The following ARL14EPL variants were observed in gnomAD, a reference collection of about 807,000 sequenced individuals.
The protein encoded by ARL14EPL is ARF like GTPase 14 effector protein like, also known as ARL14 effector protein-like.
A neutral mutation model predicts 15.9 loss-of-function variants in ARL14EPL; 17 were observed. The observed-to-expected ratio is 1.07, with a 90% CI of 0.73 to 1.60. The LOEUF (loss-of-function observed/expected upper bound fraction) is 1.60. ARL14EPL is among the 40% of genes most tolerant of loss of function. The probability of loss-of-function intolerance (pLI) is 0.00; values close to 1 mark genes in which losing one functional copy is unlikely to be tolerated. For missense variants in ARL14EPL, 214 were observed against 185.9 expected, an observed-to-expected ratio of 1.15 and a Z score of -0.88; for synonymous variants, 78 against 63.8, an observed-to-expected ratio of 1.22 and a Z score of -1.06.
Position 116,037,838 on chromosome 5 carries a change from T to C in ARL14EPL, c.-10+5333T>C, listed in dbSNP as rs142689997. Reference sequence around the variant, plus strand: ...CTTACCTGCACACAAGAATGTACTTTGTTTGGTTTTAGTTGGTGGTTTTTA... The same window carrying C: ...CTTACCTGCACACAAGAATGTACTTCGTTTGGTTTTAGTTGGTGGTTTTTA... On this transcript the variant is annotated intron_variant, in intron 1 of 3. Transcript: ENST00000686077. Among the ~76,000 whole-genome samples the C allele has an allele frequency of 2.0e-5, 3 of 152,334 alleles. No individual in the cohort carries two copies. In the East Asian group the frequency reaches 5.8e-4, roughly 29 times the overall value.
intron 1 of ARL14EPL, among the ~76,000 whole-genome samples, chr5:116,043,476 A>G (rs577471970): frequency 2.0e-5 from 3 of 152,234 alleles, no homozygotes; most frequent in Admixed American, 2.0e-4. Flanking sequence ...TTGCAAATTT[A>G]ATGAGGTATT....
chr5:116,054,228 G>T lies in ARL14EPL; in HGVS notation c.236+75G>T, dbSNP rs534655678. 7.6e-4 allele frequency: 1,038 copies of T among 1,360,556 alleles called. 22 individuals carry two copies. In the South Asian group the frequency reaches 0.015, roughly 20 times the overall value. The allele number at this position is 1,360,556 out of a possible 1,614,324, so 84.3% of individuals were successfully genotyped here. On this transcript the variant is annotated intron_variant, in intron 3 of 3. Transcript: ENST00000686077. ...AATTCTCCTTGACAAAGCAATGAAA[G>T]ATTCCCTCTTTTTATTATTTATTAT...
chr5:116,050,444 G>A lies in ARL14EPL; in HGVS notation c.-9-1013G>A, dbSNP rs562914440. Among the ~76,000 whole-genome samples, 311 of 152,276 alleles carry A rather than the reference G, an allele frequency of 2.0e-3. 1 individual carries two copies. Among genetic ancestry groups the A allele is most frequent in the Non-Finnish European group, 3.5e-3 (241 of 68,024 alleles). The stretch of plus-strand genomic sequence containing the variant: ...ATGATCTAGTTCTTTTTATGGCTGC[G>A]TGGTATTCCTTGGTGCATACTTACA... On this transcript the variant is annotated intron_variant, in intron 1 of 3. Coordinates refer to ENST00000686077, the MANE Select transcript of ARL14EPL (RefSeq NM_001195581.2).
At chr5:116,041,260 A>G (rs1042828626) in intron 1 of ARL14EPL, among the ~76,000 whole-genome samples, 8 of 152,144 alleles carry the variant, frequency 5.3e-5, no homozygotes, top group Non-Finnish European at 1.0e-4. Context: ...GTATAATGGC[A>G]TATATCCACT....
chr5:116,058,162 CA>C (rs1749563848), intron 3 of ARL14EPL, among the ~76,000 whole-genome samples: 2 of 152,120 alleles, frequency 1.3e-5, no homozygotes, highest in Admixed American at 1.3e-4. Flanking sequence ...AAAGCAGAAT[CA>C]GAAAGGAACA....
At chr5:116,054,990 T>C (rs1168962520) in intron 3 of ARL14EPL, among the ~76,000 whole-genome samples, 1 of 151,902 alleles carries the variant, frequency 6.6e-6, no homozygotes, top group Admixed American at 6.6e-5. Flanking sequence ...ATTAATAACA[T>C]AAAAAATCAG....
At position 116,054,171 on chromosome 5, in the gene ARL14EPL, T is replaced by C; in HGVS notation, c.236+18T>C. The C allele has an allele frequency of 2.0e-6, 3 of 1,530,912 alleles. No homozygotes were observed. The African/African-American group carries it at 4.1e-5, about 21-fold the overall frequency. The allele number at this position is 1,530,912 out of a possible 1,614,324, so 94.8% of individuals were successfully genotyped here. A position where few individuals can be genotyped will look rare whatever the true frequency, so the allele number is the denominator to read the frequency against. ...AAATACAAGTAAGATTCTGACTTAT[T>C]GTATTTGATCTGTGGGATTATGAAA... On this transcript the variant is annotated intron_variant, in intron 3 of 3. Transcript: ENST00000686077.
intron 1 of ARL14EPL, among the ~76,000 whole-genome samples, chr5:116,050,431 T>A (rs1749347883): frequency 6.6e-6 from 1 of 152,234 alleles, no homozygotes; most frequent in African/African-American, 2.4e-5. Flanking sequence ...GATCTAGTTC[T>A]TTTTATGGCT....
intron 1 of ARL14EPL, among the ~76,000 whole-genome samples, chr5:116,040,995 T>G (rs1360721376): frequency 3.5e-5 from 2 of 57,362 alleles, no homozygotes; most frequent in African/African-American, 6.4e-5. Context: ...AAAAAAAAAG[T>G]TTTTATGCTG....
intron 2 of ARL14EPL, among the ~76,000 whole-genome samples, chr5:116,053,374 A>G (rs1373510592): frequency 9.3e-6 from 1 of 108,078 alleles, no homozygotes; most frequent in Non-Finnish European, 1.9e-5. Flanking sequence ...AAAAGAAAGG[A>G]AAAAAAAAAA....
chr5:116,044,867 A>G (rs1419281939), intron 1 of ARL14EPL, among the ~76,000 whole-genome samples: 1 of 152,154 alleles, frequency 6.6e-6, no homozygotes, highest in African/African-American at 2.4e-5. Flanking sequence ...ATGGTTTCTC[A>G]GCAAAACAAA....
chr5:116,044,255 C>G (rs1017751056), intron 1 of ARL14EPL, among the ~76,000 whole-genome samples: 4 of 152,058 alleles, frequency 2.6e-5, no homozygotes, highest in Non-Finnish European at 5.9e-5. Flanking sequence ...CCCTATAATT[C>G]ACGAGTGAAC....
intron 1 of ARL14EPL, among the ~76,000 whole-genome samples, chr5:116,048,816 T>C (rs901605795): frequency 2.0e-5 from 3 of 152,104 alleles, no homozygotes; most frequent in African/African-American, 7.2e-5. Context: ...TGGGATATTA[T>C]TGGCAGAGAG....
chr5:116,033,606 C>G (rs1032688953), intron 1 of ARL14EPL, among the ~76,000 whole-genome samples: 1 of 144,878 alleles, frequency 6.9e-6, no homozygotes, highest in Non-Finnish European at 1.5e-5. Flanking sequence ...CTTCAAAATT[C>G]TAAATGGAAT....
intron 1 of ARL14EPL, among the ~76,000 whole-genome samples, chr5:116,041,301 C>A (rs1160829143): frequency 6.6e-6 from 1 of 152,044 alleles, no homozygotes; most frequent in Non-Finnish European, 1.5e-5. Context: ...ACTTTCACTG[C>A]TTTATTATTA....
chr5:116,050,780 A>ATCTC (rs141191776), intron 1 of ARL14EPL, among the ~76,000 whole-genome samples: 20,284 of 128,518 alleles, frequency 0.16, 1,589 homozygotes, highest in African/African-American at 0.19. Context: ...TATGGGCTCC[A>ATCTC]TCTCTCTCTC....
At chr5:116,051,645 A>G (rs970180486) in intron 2 of ARL14EPL, 84 bp downstream of exon 2, 2 of 1,203,840 alleles carry the variant, frequency 1.7e-6, no homozygotes, top group Non-Finnish European at 2.3e-6. Context: ...TGTGGGTGGG[A>G]AGGTGGGCCC....
At chr5:116,058,689 G>C in intron 3 of ARL14EPL, 36 bp from the exon 4 acceptor site, 1 of 1,512,850 alleles carries the variant, frequency 6.6e-7, no homozygotes, top group Non-Finnish European at 8.9e-7. Context: ...GAGGATGATT[G>C]CACTGTCATC....
At chr5:116,048,156 C>G (rs1325140064) in intron 1 of ARL14EPL, among the ~76,000 whole-genome samples, 1 of 152,202 alleles carries the variant, frequency 6.6e-6, no homozygotes, top group Non-Finnish European at 1.5e-5. Flanking sequence ...AGCCTCTTCT[C>G]TTTGTGTTAG....
Sources: gnomAD v4.1 joint callset for allele counts (sites outside exome capture counted in the v4.1 genomes callset) on GRCh38, gnomAD v4.1.1 for gene constraint, MANE v1.5 for transcripts, NCBI Gene and HGNC (gene_info 2026-07-23, HGNC 2026-07-21) for gene names.